The following MSH4 variants were observed in gnomAD, a reference collection of about 807,000 sequenced individuals.
MSH4 encodes mutS homolog 4.
A neutral mutation model predicts 113.7 loss-of-function variants in MSH4; 106 were observed. That is an observed-to-expected ratio of 0.93 (90% CI 0.80 to 1.10). The LOEUF is 1.10. MSH4 is among the 50% of genes least tolerant of loss of function. The pLI is 0.00. For missense variants in MSH4, 1,061 were observed against 1,093.7 expected (o/e 0.97, Z 0.42); for synonymous variants, 368 against 380.2 (o/e 0.97, Z 0.37).
chr1:75,856,997 G>C (rs182443038), intron 8 of MSH4, among the ~76,000 whole-genome samples: 1 of 152,264 alleles, frequency 6.6e-6, no homozygotes, highest in African/African-American at 2.4e-5. Flanking sequence ...GCATGTGATG[G>C]TATCTAGTTG....
At chr1:75,829,200 C>T (rs779756222) in intron 7 of MSH4, among the ~76,000 whole-genome samples, 14 of 152,312 alleles carry the variant, frequency 9.2e-5, no homozygotes, top group Admixed American at 1.3e-4. Context: ...GCACAGCAGT[C>T]TGAGATCGAA....
At chr1:75,823,904 C>A (rs1377575207) in intron 7 of MSH4, among the ~76,000 whole-genome samples, 1 of 152,010 alleles carries the variant, frequency 6.6e-6, no homozygotes, top group Non-Finnish European at 1.5e-5. Context: ...GGTTCCAAGC[C>A]TTTGCTATTG....
intron 7 of MSH4, among the ~76,000 whole-genome samples, chr1:75,831,166 C>G (rs572927300): frequency 1.3e-5 from 2 of 152,134 alleles, no homozygotes; most frequent in South Asian, 4.2e-4. Context: ...AGATTTTAAA[C>G]CAACAAAGAT....
At chr1:75,885,437 G>T (rs1385873141) in intron 15 of MSH4, among the ~76,000 whole-genome samples, 16 of 79,110 alleles carry the variant, frequency 2.0e-4, no homozygotes, top group Admixed American at 7.2e-4. Context: ...TCCTGAGTGT[G>T]TATATACATA....
chr1:75,900,777 A>T (rs1257273394), intron 19 of MSH4, among the ~76,000 whole-genome samples: 1 of 151,942 alleles, frequency 6.6e-6, no homozygotes, highest in East Asian at 1.9e-4. Context: ...TCACTTGCCT[A>T]ATTATCTATT....
chr1:75,797,890 G>A (rs1235104222), intron 1 of MSH4, among the ~76,000 whole-genome samples: 1 of 152,202 alleles, frequency 6.6e-6, no homozygotes, highest in Admixed American at 6.5e-5. Flanking sequence ...GCTGCCGTGA[G>A]CTGAGATTGC....
intron 15 of MSH4, among the ~76,000 whole-genome samples, chr1:75,884,271 A>G (rs1254655185): frequency 6.6e-6 from 1 of 152,134 alleles, no homozygotes; most frequent in African/African-American, 2.4e-5. Context: ...AGGGGTACCA[A>G]TAACTTGGCC....
intron 8 of MSH4, among the ~76,000 whole-genome samples, 172 bp from the exon 9 acceptor site, chr1:75,867,342 G>A (rs902656122): frequency 4.6e-5 from 7 of 152,142 alleles, no homozygotes; most frequent in African/African-American, 1.7e-4. Flanking sequence ...GGTGTGCTAG[G>A]TTAATTATGG....
chr1:75,806,981 C>T lies in MSH4; in HGVS notation c.428C>T (p.Ala143Val), dbSNP rs140995067. 6.8e-5 allele frequency: 107 copies of T among 1,562,254 alleles called. No individual in the cohort carries two copies. The African/African-American group carries it at 1.3e-3, about 19-fold the overall frequency. ...KSWTPQVGYS[A>V]SSSSAISAHS... ...CTTTTCTTTATTTAAAAATTTACAG[C>T]TTCATCCTCATCTGCGATTTCTGCA... The change falls in exon 3 of 20, where the codon GCT (alanine) becomes GTT (valine). Residue 143 changes from alanine (A) to valine (V), a missense_variant and splice_region_variant. Physicochemically the swap from Ala to Val is moderately conservative, Grantham distance 64. Coordinates refer to ENST00000263187, the MANE Select transcript of MSH4 (RefSeq NM_002440.4).
In MSH4 at chr1:75,912,927, C is replaced by T. The variant is rs1652821553; in HGVS notation, c.*40C>T. 1 of 1,260,148 alleles carries T rather than the reference C, an allele frequency of 7.9e-7. No individual in the cohort carries two copies. 78.1% of individuals were successfully genotyped at this position (1,260,148 alleles called of 1,614,324 possible). A position where few individuals can be genotyped will look rare whatever the true frequency, so the allele number is the denominator to read the frequency against. Reference sequence around the variant, plus strand: ...TAATAATATATCTTAATTCAAGGAACCTAGAATTTATTTTTCTCCTTAGAG... The same window carrying T: ...TAATAATATATCTTAATTCAAGGAATCTAGAATTTATTTTTCTCCTTAGAG... On this transcript the variant is annotated 3_prime_UTR_variant, in exon 20 of 20. Coordinates refer to ENST00000263187, the MANE Select transcript of MSH4 (RefSeq NM_002440.4).
chr1:75,906,556 T>TAA (rs1490773521), intron 19 of MSH4, among the ~76,000 whole-genome samples: 1 of 69,618 alleles, frequency 1.4e-5, no homozygotes, highest in Non-Finnish European at 2.6e-5. Context: ...ATATAATATA[T>TAA]TATATATTAT....
chr1:75,908,029 T>C (rs1652706727), intron 19 of MSH4, among the ~76,000 whole-genome samples: 1 of 150,840 alleles, frequency 6.6e-6, no homozygotes, highest in Non-Finnish European at 1.5e-5. Flanking sequence ...GATTCTTTCT[T>C]CTGCTTGATC....
intron 6 of MSH4, among the ~76,000 whole-genome samples, chr1:75,821,825 C>G (rs72979212): frequency 0.019 from 2,875 of 152,226 alleles, 97 homozygotes; most frequent in African/African-American, 0.067. Context: ...CCATGCTGGT[C>G]TTGAACTCCC....
rs142314703 is a variant in MSH4, at chr1:75,898,836, T to A, written c.2530+755T>A. ...GGGAAAAAAACCATCTTTGTTTTGC[T>A]ATTTGAAATGGGAAATCAACTGGAT... is the stretch of plus-strand genomic sequence containing the variant. On this transcript the variant is annotated intron_variant, in intron 18 of 19. Transcript: ENST00000263187. 7.8e-3 allele frequency among the ~76,000 whole-genome samples: 1,195 copies of A among 152,326 alleles called. 17 individuals carry two copies. The highest frequency in any genetic ancestry group is 0.027 in the African/African-American group (1,133 of 41,568).
At chr1:75,821,265 T>A (rs1650401985) in intron 6 of MSH4, among the ~76,000 whole-genome samples, 2 of 152,014 alleles carry the variant, frequency 1.3e-5, no homozygotes, top group Admixed American at 6.6e-5. Context: ...TCAAAACCGC[T>A]CAACTACATA....
At chr1:75,910,896 TTCTC>T (rs1229023869) in intron 19 of MSH4, among the ~76,000 whole-genome samples, 1 of 151,750 alleles carries the variant, frequency 6.6e-6, no homozygotes, top group Non-Finnish European at 1.5e-5. Context: ...ATGCAGTAAG[TTCTC>T]TCTCTCTCTC....
At chr1:75,900,477 T>A (rs1453211668) in intron 19 of MSH4, among the ~76,000 whole-genome samples, 2 of 151,870 alleles carry the variant, frequency 1.3e-5, no homozygotes, top group African/African-American at 4.8e-5. Context: ...AATTTTTTTT[T>A]GTATTTTTCG....
chr1:75,845,462 A>C (rs1651056254), intron 7 of MSH4, among the ~76,000 whole-genome samples: 2 of 152,226 alleles, frequency 1.3e-5, no homozygotes, highest in Admixed American at 1.3e-4. Flanking sequence ...AGGCAATAAG[A>C]AAGGAGTAAC....
rs575637832 is a variant in MSH4 at position 75,840,353 on chromosome 1, G to T, written c.1163-7856G>T. 2.5e-3 allele frequency among the ~76,000 whole-genome samples: 362 copies of T among 146,330 alleles called. 4 individuals carry two copies. The highest frequency in any genetic ancestry group is 8.9e-3 in the African/African-American group (353 of 39,790). On this transcript the variant is annotated intron_variant, in intron 7 of 19. Transcript: ENST00000263187. The stretch of plus-strand genomic sequence containing the variant: ...ACTGTGCAGCCATAAAAAATGATGA[G>T]TTCATGTCCTTTGTAGGGACATGGA...
Sources: allele counts gnomAD v4.1 joint callset (sites outside exome capture counted in the v4.1 genomes callset), GRCh38; gene constraint gnomAD v4.1.1; transcripts MANE v1.5; gene names NCBI Gene and HGNC (gene_info 2026-07-23, HGNC 2026-07-21).